The following MSI2 variants were observed in gnomAD, a reference collection of about 807,000 sequenced individuals.
MSI2 encodes the protein RNA-binding protein Musashi homolog 2.
Under a neutral mutation model 45.6 loss-of-function variants are expected in MSI2, and 17 were observed. The observed-to-expected ratio is 0.37, with a 90% CI of 0.26 to 0.56. The LOEUF is 0.56. Ranked by LOEUF, MSI2 falls within the 20% of genes least tolerant of loss-of-function variation. The probability of loss-of-function intolerance (pLI) is 0.77; values close to 1 mark genes in which losing one functional copy is unlikely to be tolerated. For synonymous variants in MSI2, 156 were observed against 158.2 expected, an observed-to-expected ratio of 0.99 and a Z score of 0.11; for missense variants, 293 against 444.2, an observed-to-expected ratio of 0.66 and a Z score of 3.06.
At chr17:57,396,345 C>G (rs755453336) in intron 5 of MSI2, among the ~76,000 whole-genome samples, 31 of 151,942 alleles carry the variant, frequency 2.0e-4, no homozygotes, top group Admixed American at 1.5e-3. Context: ...AAAGTAGTTT[C>G]TCTTTTCTAA....
chr17:57,295,977 G>A (rs1474129366), intron 5 of MSI2, among the ~76,000 whole-genome samples: 1 of 97,410 alleles, frequency 1.0e-5, no homozygotes, highest in Non-Finnish European at 2.0e-5. Context: ...TGAGTTACCA[G>A]TTCACGCAGC....
intron 6 of MSI2, among the ~76,000 whole-genome samples, chr17:57,475,753 T>C (rs778825580): frequency 3.3e-5 from 5 of 151,966 alleles, no homozygotes; most frequent in Admixed American, 6.6e-5. Flanking sequence ...AGATAGGAGC[T>C]AGTGAGAAAA....
chr17:57,276,837 C>A (rs1454352695), intron 5 of MSI2, among the ~76,000 whole-genome samples: 1 of 152,040 alleles, frequency 6.6e-6, no homozygotes, highest in Non-Finnish European at 1.5e-5. Flanking sequence ...CATTTTTGTG[C>A]CGAGGCTCAA....
At chr17:57,420,192 C>T (rs2084369444) in intron 6 of MSI2, among the ~76,000 whole-genome samples, 1 of 152,204 alleles carries the variant, frequency 6.6e-6, no homozygotes, top group African/African-American at 2.4e-5. Flanking sequence ...TGCATTTTAT[C>T]AGCATCTTTC....
intron 5 of MSI2, among the ~76,000 whole-genome samples, chr17:57,287,791 T>C (rs1463173760): frequency 6.6e-6 from 1 of 152,210 alleles, no homozygotes; most frequent in African/African-American, 2.4e-5. Flanking sequence ...CGGTTATGAA[T>C]GAAATCAGAG....
chr17:57,627,191 G>A lies in MSI2; in HGVS notation c.653-38G>A. On this transcript the variant is annotated intron_variant, in intron 9 of 13. Transcript: ENST00000284073. The surrounding 1 kb of genome is among the most constrained non-coding windows in gnomAD (Gnocchi z 4.6). ...ATTTTACCCCAGACCTGAGGCGGCT[G>A]TACTAACAGGACTCTGATCTTTCTC... is the stretch of plus-strand genomic sequence containing the variant. The A allele has an allele frequency of 1.3e-6, 2 of 1,593,304 alleles. No homozygotes were observed. The highest frequency in any genetic ancestry group is 8.6e-7 in the Non-Finnish European group (1 of 1,161,036).
Position 57,552,634 on chromosome 17 carries a change from G to C in MSI2, c.454+22910G>C, listed in dbSNP as rs1052588855. Among the ~76,000 whole-genome samples, 4 of 152,178 alleles carry C rather than the reference G, an allele frequency of 2.6e-5. No individual in the cohort carries two copies. Among genetic ancestry groups the C allele is most frequent in the African/African-American group, 9.7e-5 (4 of 41,442 alleles). ...CAAGTTTCCTCTGGTTCAAACTTACGTTTGAAGTTTTTCTACAACCAGAAG... is the reference window on the plus strand; with the variant it reads ...CAAGTTTCCTCTGGTTCAAACTTACCTTTGAAGTTTTTCTACAACCAGAAG... On this transcript the variant is annotated intron_variant, in intron 7 of 13. Coordinates refer to ENST00000284073, the MANE Select transcript of MSI2 (RefSeq NM_138962.4). The surrounding 1 kb of genome is among the most constrained non-coding windows in gnomAD (Gnocchi z 4.3).
intron 5 of MSI2, among the ~76,000 whole-genome samples, chr17:57,328,186 CT>C (rs1407973558): frequency 1.3e-5 from 2 of 152,202 alleles, no homozygotes; most frequent in African/African-American, 4.8e-5. Context: ...TTCTGTCCAT[CT>C]GTCTCTTTGT....
intron 6 of MSI2, among the ~76,000 whole-genome samples, chr17:57,416,193 C>T (rs566991163): frequency 2.0e-5 from 3 of 152,126 alleles, no homozygotes; most frequent in African/African-American, 7.2e-5. Flanking sequence ...GCCTGGCAGC[C>T]GAGACCAGAG....
intron 5 of MSI2, among the ~76,000 whole-genome samples, chr17:57,351,772 T>C (rs1372748007): frequency 1.3e-5 from 2 of 152,104 alleles, no homozygotes; most frequent in Non-Finnish European, 2.9e-5. Flanking sequence ...AGGAGAAGCG[T>C]TTGAACCCAG....
chr17:57,502,719 G>C (rs949951436), intron 6 of MSI2, among the ~76,000 whole-genome samples: 3 of 149,020 alleles, frequency 2.0e-5, no homozygotes, highest in Admixed American at 6.8e-5. Context: ...ACTGTGATCA[G>C]AGGTCCTGAT....
intron 6 of MSI2, among the ~76,000 whole-genome samples, chr17:57,502,602 G>GATAGATAGAT (rs1190802566): frequency 1.8e-5 from 1 of 54,418 alleles, no homozygotes; most frequent in South Asian, 8.0e-4. Flanking sequence ...ATGACTCTGA[G>GATAGATAGAT]ATATATATAT....
chr17:57,698,548 T>C, the MSI2 span, among the ~76,000 whole-genome samples: 2 of 152,210 alleles, frequency 1.3e-5, no homozygotes, highest in African/African-American at 2.4e-5. Context: ...TGTCTTGCTC[T>C]GAATATCCCT....
At chr17:57,583,507 T>TTTTTTTTTTTG (rs757235116) in intron 7 of MSI2, among the ~76,000 whole-genome samples, 1 of 114,264 alleles carries the variant, frequency 8.8e-6, no homozygotes, top group African/African-American at 3.2e-5. Context: ...TTTTTTTTTT[T>TTTTTTTTTTTG]GAGACAGGGT....
At chr17:57,296,026 T>G (rs908965082) in intron 5 of MSI2, among the ~76,000 whole-genome samples, 23 of 105,522 alleles carry the variant, frequency 2.2e-4, no homozygotes, top group African/African-American at 8.0e-4. Flanking sequence ...TTTTTTTTTT[T>G]GCCTTACTAC....
At chr17:57,644,712 G>T (rs989524662) in intron 10 of MSI2, among the ~76,000 whole-genome samples, 4 of 152,156 alleles carry the variant, frequency 2.6e-5, no homozygotes, top group African/African-American at 9.7e-5. Flanking sequence ...GCTGGGGAAG[G>T]GGGTGGAGAG....
chr17:57,580,500 C>T (rs1010420519), intron 7 of MSI2, among the ~76,000 whole-genome samples: 16 of 152,248 alleles, frequency 1.1e-4, no homozygotes, highest in Admixed American at 6.5e-4. Flanking sequence ...CATTCTGTGG[C>T]TCTTCCAGTC....
chr17:57,674,122 A>G (rs1478410264), intron 11 of MSI2, among the ~76,000 whole-genome samples: 3 of 151,196 alleles, frequency 2.0e-5, no homozygotes, highest in Admixed American at 6.6e-5. Flanking sequence ...CTCCACCCCA[A>G]AAGGAAACTC....
chr17:57,398,849 AT>A (rs2083937612), intron 5 of MSI2, among the ~76,000 whole-genome samples: 1 of 152,048 alleles, frequency 6.6e-6, no homozygotes, highest in Non-Finnish European at 1.5e-5. Context: ...GATTAGTAAA[AT>A]TTGGTGATTC....
Sources: gnomAD v4.1 joint callset for allele counts (sites outside exome capture counted in the v4.1 genomes callset) on GRCh38, gnomAD v4.1.1 for gene constraint, Gnocchi (gnomAD v3.1) non-coding constraint, MANE v1.5 for transcripts, NCBI Gene and HGNC (gene_info 2026-07-23, HGNC 2026-07-21) for gene names.